The following BTBD8 variants were observed in gnomAD, a reference collection of about 807,000 sequenced individuals.
The protein encoded by BTBD8 is BTB domain containing 8.
In BTBD8, 110 loss-of-function variants were observed where a neutral mutation model predicts 162.9. The ratio of observed to expected loss-of-function variants is 0.68; its 90% CI spans 0.58 to 0.79. BTBD8 has a LOEUF of 0.79. Ranked by LOEUF, BTBD8 falls within the 30% of genes least tolerant of loss-of-function variation. The pLI, the probability that BTBD8 is intolerant of heterozygous loss-of-function variation, is 0.00. For synonymous variants in BTBD8, 667 were observed against 716.1 expected, an observed-to-expected ratio of 0.93 and a Z score of 1.10; for missense variants, 1,905 against 2,085.4, an observed-to-expected ratio of 0.91 and a Z score of 1.68.
rs776908079 is a variant in BTBD8 at position 92,177,326 on chromosome 1, A to G, written c.2133A>G (p.Lys711=). 2.6e-6 allele frequency: 4 copies of G among 1,551,816 alleles called. No homozygotes were observed. In the African/African-American group the frequency reaches 4.1e-5, roughly 16 times the overall value. ...AAGCCAAAGCAAAGCCTTTGAAGAAAGCTACAGGGAAGGATTCACCATGCC... is the reference window on the plus strand; with the variant it reads ...AAGCCAAAGCAAAGCCTTTGAAGAAGGCTACAGGGAAGGATTCACCATGCC... ...NVQAKAKPLK[K]ATGKDSPCLS... The change falls in exon 14 of 18, where the codon AAA becomes AAG. Residue 711 remains lysine, a synonymous_variant. Coordinates refer to ENST00000636805, the MANE Select transcript of BTBD8 (RefSeq NM_001376131.1).
intron 4 of BTBD8, 104 bp from the exon 5 acceptor site, chr1:92,129,583 A>T: frequency 1.2e-6 from 1 of 859,026 alleles, no homozygotes; most frequent in Admixed American, 2.1e-5. Context: ...CAAAACAAAT[A>T]GATTATTGTG....
intron 3 of BTBD8, among the ~76,000 whole-genome samples, 177 bp downstream of exon 3, chr1:92,102,846 G>A (rs912263949): frequency 3.3e-5 from 5 of 152,008 alleles, no homozygotes; most frequent in Admixed American, 3.3e-4. Context: ...TGGAGATAGG[G>A]TTATTATGAA....
At chr1:92,126,665 T>C (rs3851271) in intron 4 of BTBD8, among the ~76,000 whole-genome samples, 98,274 of 152,114 alleles carry the variant, frequency 0.65, 32,250 homozygotes, top group East Asian at 0.97. Flanking sequence ...AAATAGAGTT[T>C]TATGGAGTCT....
At chr1:92,094,192 T>G (rs1447738608) in intron 2 of BTBD8, among the ~76,000 whole-genome samples, 1 of 152,238 alleles carries the variant, frequency 6.6e-6, no homozygotes, top group Non-Finnish European at 1.5e-5. Flanking sequence ...ATATTCTGTT[T>G]TGTATTAGGT....
chr1:92,133,230 A>G (rs1649554366), intron 5 of BTBD8, among the ~76,000 whole-genome samples: 1 of 152,192 alleles, frequency 6.6e-6, no homozygotes, highest in South Asian at 2.1e-4. Flanking sequence ...AGGCAGTAGT[A>G]TATCCAGTCC....
intron 15 of BTBD8, 113 bp from the exon 16 acceptor site, chr1:92,178,199 C>T: frequency 1.2e-6 from 1 of 802,126 alleles, no homozygotes. Context: ...TTTCTATTTT[C>T]AGGAGAGATG....
intron 5 of BTBD8, among the ~76,000 whole-genome samples, chr1:92,134,840 T>C (rs546248336): frequency 6.6e-6 from 1 of 151,978 alleles, no homozygotes; most frequent in South Asian, 2.1e-4. Flanking sequence ...CCTGAAACTT[T>C]AGAAAGGACA....
Position 92,080,485 on chromosome 1 carries a change from T to A in BTBD8, c.-87T>A, listed in dbSNP as rs889679708. The A allele has an allele frequency of 6.4e-7, 1 of 1,557,982 alleles. No homozygotes were observed. Among genetic ancestry groups the A allele is most frequent in the Admixed American group, 2.0e-5 (1 of 48,828 alleles). On this transcript the variant is annotated 5_prime_UTR_variant, in exon 1 of 18. Coordinates refer to ENST00000636805, the MANE Select transcript of BTBD8 (RefSeq NM_001376131.1). Reference sequence around the variant, plus strand: ...GGCGGATTTGGGTAGGAGCCGAGCGTTCGGTCGGAAACGCCCCCTTCTTCC... The same window carrying A: ...GGCGGATTTGGGTAGGAGCCGAGCGATCGGTCGGAAACGCCCCCTTCTTCC...
intron 9 of BTBD8, among the ~76,000 whole-genome samples, chr1:92,165,528 G>A (rs552751789): frequency 1.3e-5 from 2 of 151,804 alleles, no homozygotes; most frequent in African/African-American, 4.8e-5. Flanking sequence ...AACAGAGGCT[G>A]TGCAGAGTCC....
At chr1:92,127,690 T>C (rs536454701) in intron 4 of BTBD8, among the ~76,000 whole-genome samples, 1 of 152,064 alleles carries the variant, frequency 6.6e-6, no homozygotes, top group East Asian at 1.9e-4. Flanking sequence ...CTCTCCCGAG[T>C]AGCAGGGACT....
At chr1:92,123,715 T>TG (rs1239552674) in intron 4 of BTBD8, among the ~76,000 whole-genome samples, 1 of 139,808 alleles carries the variant, frequency 7.2e-6, no homozygotes, top group African/African-American at 2.7e-5. Context: ...AGGTGGAGCT[T>TG]GCAGTGAGCC....
At chr1:92,114,059 T>C (rs1244249258) in intron 4 of BTBD8, among the ~76,000 whole-genome samples, 1 of 150,780 alleles carries the variant, frequency 6.6e-6, no homozygotes, top group Non-Finnish European at 1.5e-5. Context: ...TCATGACTGC[T>C]ACACATATAA....
intron 7 of BTBD8, among the ~76,000 whole-genome samples, chr1:92,146,012 T>G (rs1405912487): frequency 6.6e-6 from 1 of 152,072 alleles, no homozygotes; most frequent in Non-Finnish European, 1.5e-5. Context: ...GTAATTATGA[T>G]CTAATTAAAT....
At position 92,147,786 on chromosome 1, in the gene BTBD8, A is replaced by G; in HGVS notation, c.1122A>G (p.Leu374=). 1 of 1,607,290 alleles carries G rather than the reference A, an allele frequency of 6.2e-7. No homozygotes were observed. Among genetic ancestry groups the G allele is most frequent in the African/African-American group, 1.3e-5 (1 of 74,844 alleles). ...GTCTTAATATGTTGATTCAGTCCTTAGTAAGTATAACCTGAATACTCTTTT... is the reference window on the plus strand; with the variant it reads ...GTCTTAATATGTTGATTCAGTCCTTGGTAAGTATAACCTGAATACTCTTTT... ...KSCLNMLIQS[L]NDKNAAFLLM... Residue 374 remains leucine, a splice_region_variant and synonymous_variant, in exon 9 of 18, where the codon TTA becomes TTG. Transcript: ENST00000636805.
At chr1:92,100,140 T>C (rs563394135) in intron 2 of BTBD8, among the ~76,000 whole-genome samples, 1 of 152,370 alleles carries the variant, frequency 6.6e-6, no homozygotes, top group East Asian at 1.9e-4. Flanking sequence ...TTTATTTTAC[T>C]GATATGGTGT....
intron 6 of BTBD8, among the ~76,000 whole-genome samples, chr1:92,140,627 G>A (rs987125806): frequency 6.6e-6 from 1 of 152,126 alleles, no homozygotes; most frequent in Non-Finnish European, 1.5e-5. Flanking sequence ...GTATGTGTAG[G>A]TGTTCAGAAA....
intron 4 of BTBD8, among the ~76,000 whole-genome samples, chr1:92,120,582 G>A (rs968038356): frequency 6.6e-6 from 1 of 152,116 alleles, no homozygotes; most frequent in Non-Finnish European, 1.5e-5. Context: ...TATACAGCTG[G>A]CAGCACAGTA....
chr1:92,117,175 ATCTTC>A (rs896276634), intron 4 of BTBD8, among the ~76,000 whole-genome samples: 1 of 151,668 alleles, frequency 6.6e-6, no homozygotes, highest in African/African-American at 2.4e-5. Context: ...TGTTAATTCC[ATCTTC>A]TCTTGTCATT....
At chr1:92,096,143 G>T (rs1648445247) in intron 2 of BTBD8, among the ~76,000 whole-genome samples, 1 of 151,870 alleles carries the variant, frequency 6.6e-6, no homozygotes, top group South Asian at 2.1e-4. Context: ...AACTAATTTT[G>T]TGTTTTTAGT....
Sources: gnomAD v4.1 joint callset for allele counts (sites outside exome capture counted in the v4.1 genomes callset) on GRCh38, gnomAD v4.1.1 for gene constraint, MANE v1.5 for transcripts, NCBI Gene and HGNC (gene_info 2026-07-23, HGNC 2026-07-21) for gene names.